SP8: variants seen among roughly 807,000 people sequenced by gnomAD.
SP8 encodes the protein Sp8 transcription factor.
In SP8, 7 loss-of-function variants were observed where a neutral mutation model predicts 15.3. That is an observed-to-expected ratio of 0.46 (90% CI 0.26 to 0.86). The LOEUF (loss-of-function observed/expected upper bound fraction) is 0.86. SP8 is among the 40% of genes least tolerant of loss of function. The probability of loss-of-function intolerance (pLI) is 0.16; values close to 1 mark genes in which losing one functional copy is unlikely to be tolerated. For synonymous variants in SP8, 415 were observed against 356.3 expected, an observed-to-expected ratio of 1.16 and a Z score of -1.86; for missense variants, 731 against 736.4, an observed-to-expected ratio of 0.99 and a Z score of 0.09.
rs1197257333 is a variant in SP8, at chr7:20,784,812, G to C, written c.1005C>G (p.Gly335=). The change falls in exon 2 of 2, where the codon GGC becomes GGG. Residue 335 remains glycine (G), a synonymous_variant. Coordinates refer to ENST00000418710, the MANE Select transcript of SP8 (RefSeq NM_182700.6). Reference sequence around the variant, plus strand: ...AGCGGCGAGCTGAGGAGCGCGGGGAGCCCCCCAGCGGCGCCGAAGGCCCAG... The same window carrying C: ...AGCGGCGAGCTGAGGAGCGCGGGGACCCCCCCAGCGGCGCCGAAGGCCCAG... ...LSAGPSAPLG[G]SPRSSARRYS... is the part of the protein sequence containing the mutation. 3.3e-6 allele frequency: 5 copies of C among 1,527,994 alleles called. No individual in the cohort carries two copies. Among genetic ancestry groups the C allele is most frequent in the Non-Finnish European group, 4.4e-6 (5 of 1,144,138 alleles). 94.7% of individuals were successfully genotyped at this position (1,527,994 alleles called of 1,614,324 possible). A position where few individuals can be genotyped will look rare whatever the true frequency, so the allele number is the denominator to read the frequency against.
chr7:20,785,639 C>T lies in SP8; in HGVS notation c.178G>A (p.Ala60Thr), dbSNP rs762997951. Reference sequence around the variant, plus strand: ...CTGGAACCCACTACGTTGCAGCTGGCGGAAGAAGAGGACGAGGAGCGTTTC... The same window carrying T: ...CTGGAACCCACTACGTTGCAGCTGGTGGAAGAAGAGGACGAGGAGCGTTTC... ...PWKRSSSSSSASCNVVGSSLS... is the reference protein window; with the variant it reads ...PWKRSSSSSSTSCNVVGSSLS... The change falls in exon 2 of 2, where the codon GCC becomes ACC. Residue 60 changes from alanine to threonine, a missense_variant. By Grantham distance (58) the Ala-to-Thr change is moderately conservative (BLOSUM62 0). Transcript: ENST00000418710. The surrounding 1 kb of genome is among the most constrained non-coding windows in gnomAD (Gnocchi z 7.2). 2.5e-6 allele frequency: 4 copies of T among 1,611,514 alleles called. No individual in the cohort carries two copies. The South Asian group carries it at 4.4e-5, about 18-fold the overall frequency.
rs561326768 is a variant in SP8 at position 20,786,225 on chromosome 7, A to T, written c.22-430T>A. On this transcript the variant is annotated intron_variant, in intron 1 of 1. Coordinates refer to ENST00000418710, the MANE Select transcript of SP8 (RefSeq NM_182700.6). This position sits in a 1 kb window ranked among gnomAD's most constrained non-coding sequence, Gnocchi z 4.4. ...AAGAGCGCTTCCCTGTAATCCGGAG[A>T]GCTTTGAAAAACCTGTTCGGGTCCC... Among the ~76,000 whole-genome samples the T allele has an allele frequency of 9.2e-5, 14 of 152,216 alleles. No homozygotes were observed. In the East Asian group the frequency reaches 2.5e-3, roughly 27 times the overall value.
In SP8 at chr7:20,785,311, T is replaced by C; in HGVS notation, c.506A>G (p.His169Arg). ...CGGCTGGTGGGAGCCGTCCTGCGAG[T>C]GCGCGGAGGAGCCGCCGCCGCCGCC... The part of the protein sequence containing the change: ...GGGGGGGSSA[H>R]SQDGSHQPVF... The change falls in exon 2 of 2, where the codon CAC becomes CGC. Residue 169 changes from histidine to arginine, a missense_variant. By Grantham distance (29) the His-to-Arg change is conservative. Coordinates refer to ENST00000418710, the MANE Select transcript of SP8 (RefSeq NM_182700.6). The surrounding 1 kb of genome is among the most constrained non-coding windows in gnomAD (Gnocchi z 7.2). 6.6e-7 allele frequency: 1 copy of C among 1,520,466 alleles called. No individual in the cohort carries two copies. Among genetic ancestry groups the C allele is most frequent in the Non-Finnish European group, 8.8e-7 (1 of 1,138,928 alleles). 94.2% of individuals were successfully genotyped at this position (1,520,466 alleles called of 1,614,324 possible). A position where few individuals can be genotyped will look rare whatever the true frequency, so the allele number is the denominator to read the frequency against.
chr7:20,784,518 G>A lies in SP8; in HGVS notation c.1299C>T (p.Arg433=). 1.9e-6 allele frequency: 3 copies of A among 1,568,808 alleles called. No individual in the cohort carries two copies. Among genetic ancestry groups the A allele is most frequent in the Non-Finnish European group, 2.6e-6 (3 of 1,158,202 alleles). ...RHLRTHTGEK[R]FACPVCNKRF... ...GCTTGTTGCAAACTGGACAGGCGAAGCGCTTCTCGCCGGTGTGGGTCCGCA... is the reference window on the plus strand; with the variant it reads ...GCTTGTTGCAAACTGGACAGGCGAAACGCTTCTCGCCGGTGTGGGTCCGCA... The change falls in exon 2 of 2, where the codon CGC becomes CGT. Residue 433 remains arginine (R), a synonymous_variant. Transcript: ENST00000418710.
Position 20,785,795 on chromosome 7 carries a change from C to T in SP8, c.22G>A (p.Glu8Lys). 1 of 1,611,288 alleles carries T rather than the reference C, an allele frequency of 6.2e-7. No individual in the cohort carries two copies. The highest frequency in any genetic ancestry group is 8.5e-7 in the Non-Finnish European group (1 of 1,178,454). Residue 8 changes from glutamate (E) to lysine (K), a missense_variant and splice_region_variant, in exon 2 of 2, where the codon GAA (glutamate) becomes AAA (lysine). By Grantham distance (56) the Glu-to-Lys change is moderately conservative. This residue lies in a region of SP8 where 586 missense variants were observed against 524.9 expected (regional missense o/e 1.12). Coordinates refer to ENST00000418710, the MANE Select transcript of SP8 (RefSeq NM_182700.6). The surrounding 1 kb of genome is among the most constrained non-coding windows in gnomAD (Gnocchi z 7.2). MATSLLG[E>K]EPRLGSTPLA... ...GGAGTCGATCCCAACCTCGGTTCTTCCTGCGAGGAGGAGAGGAGAAGGAGT... is the reference window on the plus strand; with the variant it reads ...GGAGTCGATCCCAACCTCGGTTCTTTCTGCGAGGAGGAGAGGAGAAGGAGT...
At position 20,785,365 on chromosome 7, in the gene SP8, A is replaced by G. The variant is rs2128063679; in HGVS notation, c.452T>C (p.Val151Ala). ...NDYSVFQAPGVSGGSGGGGGG... is the reference protein window; with the variant it reads ...NDYSVFQAPGASGGSGGGGGG... The stretch of plus-strand genomic sequence containing the variant: ...GCCGCCGCCGCCGCTGCCCCCGGAA[A>G]CTCCGGGGGCCTGGAAAACAGAGTA... Residue 151 changes from valine (V) to alanine (A), a missense_variant, in exon 2 of 2, where the codon GTT (valine) becomes GCT (alanine). This residue lies in a region of SP8 where 586 missense variants were observed against 524.9 expected (regional missense o/e 1.12). Transcript: ENST00000418710. The surrounding 1 kb of genome is among the most constrained non-coding windows in gnomAD (Gnocchi z 7.2). 7.2e-7 allele frequency: 1 copy of G among 1,389,038 alleles called. No homozygotes were observed. Among genetic ancestry groups the G allele is most frequent in the South Asian group, 1.4e-5 (1 of 73,872 alleles). 86.0% of individuals were successfully genotyped at this position (1,389,038 alleles called of 1,614,324 possible). A position where few individuals can be genotyped will look rare whatever the true frequency, so the allele number is the denominator to read the frequency against.
In SP8 at chr7:20,782,840, T is replaced by C. The variant is rs964258880; in HGVS notation, c.*1450A>G. On this transcript the variant is annotated 3_prime_UTR_variant, in exon 2 of 2. Coordinates refer to ENST00000418710, the MANE Select transcript of SP8 (RefSeq NM_182700.6). ...AACAATAACTCTTAATATTTTCTTG[T>C]GACAAAAAAAAAAAATCAAGTTTAC... 3 of 136,314 alleles carry C rather than the reference T, an allele frequency of 2.2e-5. No individual in the cohort carries two copies. The highest frequency in any genetic ancestry group is 3.3e-5 in the Non-Finnish European group (2 of 61,052). 8.4% of individuals were successfully genotyped at this position (136,314 alleles called of 1,614,324 possible).
In SP8 at chr7:20,784,855, C is replaced by T; in HGVS notation, c.962G>A (p.Gly321Glu). The change falls in exon 2 of 2, where the codon GGG becomes GAG. Residue 321 changes from glycine to glutamate, a missense_variant. Gly to Glu is a moderately conservative substitution (Grantham distance 98). Transcript: ENST00000418710. ...DSAPSPLAGA[G>E]GSMLSAGPSA... ...AGGCCCAGCGCTCAACATGGAGCCC[C>T]CCGCGCCGGCCAGCGGCGACGGGGC... 6.6e-7 allele frequency: 1 copy of T among 1,525,758 alleles called. No individual in the cohort carries two copies. Among genetic ancestry groups the T allele is most frequent in the Non-Finnish European group, 8.8e-7 (1 of 1,142,840 alleles). 94.5% of individuals were successfully genotyped at this position (1,525,758 alleles called of 1,614,324 possible).
chr7:20,786,130 A>C lies in SP8; in HGVS notation c.22-335T>G. On this transcript the variant is annotated intron_variant, in intron 1 of 1. Transcript: ENST00000418710. The surrounding 1 kb of genome is among the most constrained non-coding windows in gnomAD (Gnocchi z 4.4). ...AGACACTTCGTAACAAACAAGCAAA[A>C]AGTCCAGATTGGAGAGGAAGGAAGT... 6 of 735,960 alleles carry C rather than the reference A, an allele frequency of 8.2e-6. No homozygotes were observed. Among genetic ancestry groups the C allele is most frequent in the Non-Finnish European group, 8.6e-6 (5 of 578,992 alleles). 45.6% of individuals were successfully genotyped at this position (735,960 alleles called of 1,614,324 possible).
At position 20,786,763 on chromosome 7, in the gene SP8, A is replaced by G. The variant is rs762246932; in HGVS notation, c.21+15T>C. On this transcript the variant is annotated intron_variant, in intron 1 of 1. Transcript: ENST00000418710. The surrounding 1 kb of genome is among the most constrained non-coding windows in gnomAD (Gnocchi z 4.4). The stretch of plus-strand genomic sequence containing the variant: ...GAAACTAATTAAACCAGCAAGAGAA[A>G]ATCCTGAGACTCACCCCTAGAAGTG... 6.2e-7 allele frequency: 1 copy of G among 1,613,496 alleles called. No individual in the cohort carries two copies. Among genetic ancestry groups the G allele is most frequent in the East Asian group, 2.2e-5 (1 of 44,878 alleles).
rs750513769 is a variant in SP8, at chr7:20,785,325, G to GCCGCCGCCGCCC, written c.480_491dup (p.Gly162_Gly165dup). 55 of 1,436,204 alleles carry GCCGCCGCCGCCC rather than the reference G, an allele frequency of 3.8e-5. No individual in the cohort carries two copies. The East Asian group carries it at 6.2e-4, about 16-fold the overall frequency. 89.0% of individuals were successfully genotyped at this position (1,436,204 alleles called of 1,614,324 possible). On this transcript the variant is annotated inframe_insertion, in exon 2 of 2. Transcript: ENST00000418710. This position sits in a 1 kb window ranked among gnomAD's most constrained non-coding sequence, Gnocchi z 7.2. ...CGTCCTGCGAGTGCGCGGAGGAGCCGCCGCCGCCGCCCCCGCCGCCGCCGC... is the reference window on the plus strand; with the variant it reads ...CGTCCTGCGAGTGCGCGGAGGAGCCGCCGCCGCCGCCCCCGCCGCCGCCCCCGCCGCCGCCGC...
Position 20,785,009 on chromosome 7 carries a change from T to G in SP8, c.808A>C (p.Asn270His), listed in dbSNP as rs1209099800. 1 of 1,575,170 alleles carries G rather than the reference T, an allele frequency of 6.3e-7. No individual in the cohort carries two copies. The highest frequency in any genetic ancestry group is 1.7e-5 in the Admixed American group (1 of 58,200). The change falls in exon 2 of 2, where the codon AAC becomes CAC. Residue 270 changes from asparagine to histidine, a missense_variant. Coordinates refer to ENST00000418710, the MANE Select transcript of SP8 (RefSeq NM_182700.6). This position sits in a 1 kb window ranked among gnomAD's most constrained non-coding sequence, Gnocchi z 7.2. The stretch of plus-strand genomic sequence containing the variant: ...TGACTCAGGCCCGAGTAATCCGAGT[T>G]GTAGCCTCCGAGCGGCGAGTGCAGC... The part of the protein sequence containing the change: ...TSLHSPLGGY[N>H]SDYSGLSHSA...
Position 20,785,913 on chromosome 7 carries a change from C to T in SP8, c.22-118G>A. 4.1e-6 allele frequency: 6 copies of T among 1,460,460 alleles called. No individual in the cohort carries two copies. Among genetic ancestry groups the T allele is most frequent in the Non-Finnish European group, 5.5e-6 (6 of 1,098,348 alleles). The allele number at this position is 1,460,460 out of a possible 1,614,324, so 90.5% of individuals were successfully genotyped here. A position where few individuals can be genotyped will look rare whatever the true frequency, so the allele number is the denominator to read the frequency against. On this transcript the variant is annotated intron_variant, in intron 1 of 1. Coordinates refer to ENST00000418710, the MANE Select transcript of SP8 (RefSeq NM_182700.6). This position sits in a 1 kb window ranked among gnomAD's most constrained non-coding sequence, Gnocchi z 7.2. Reference sequence around the variant, plus strand: ...AGCCTCCAAAGCGCCCCACTGCACCCCATCTCTCGCTGCGGCGCGCCGCCA... The same window carrying T: ...AGCCTCCAAAGCGCCCCACTGCACCTCATCTCTCGCTGCGGCGCGCCGCCA...
Position 20,784,293 on chromosome 7 carries a change from C to G in SP8, c.1524G>C (p.Glu508Asp). Residue 508 changes from glutamate to aspartate, a missense_variant, in exon 2 of 2, where the codon GAG (glutamate) becomes GAC (aspartate). Transcript: ENST00000418710. ...PPEPGHRNGL[E>D] Reference sequence around the variant, plus strand: ...AGGGGCGGGCGCAGGGTGGGCGTCACTCTAGGCCGTTGCGGTGCCCGGGCT... The same window carrying G: ...AGGGGCGGGCGCAGGGTGGGCGTCAGTCTAGGCCGTTGCGGTGCCCGGGCT... The G allele has an allele frequency of 6.7e-7, 1 of 1,489,532 alleles. No homozygotes were observed. Among genetic ancestry groups the G allele is most frequent in the Non-Finnish European group, 8.9e-7 (1 of 1,127,638 alleles). The allele number at this position is 1,489,532 out of a possible 1,614,324, so 92.3% of individuals were successfully genotyped here. A position where few individuals can be genotyped will look rare whatever the true frequency, so the allele number is the denominator to read the frequency against.
In SP8 at chr7:20,783,940, T is replaced by TA; in HGVS notation, c.*349dup. The TA allele has an allele frequency of 3.6e-6, 1 of 281,586 alleles. No homozygotes were observed. Among genetic ancestry groups the TA allele is most frequent in the Non-Finnish European group, 6.5e-6 (1 of 154,640 alleles). 17.4% of individuals were successfully genotyped at this position (281,586 alleles called of 1,614,324 possible). A position where few individuals can be genotyped will look rare whatever the true frequency, so the allele number is the denominator to read the frequency against. ...CTCTACCTCCAGTGGCCGTTCCCTCTAAAAGTTACGCCCTTCACAACCTGG... is the reference window on the plus strand; with the variant it reads ...CTCTACCTCCAGTGGCCGTTCCCTCTAAAAAGTTACGCCCTTCACAACCTGG... On this transcript the variant is annotated 3_prime_UTR_variant, in exon 2 of 2. Transcript: ENST00000418710.
Position 20,785,332 on chromosome 7 carries a change from C to CTGAACGAGTCGGACA in SP8, c.484_485insTGTCCGACTCGTTCA (p.Gly162delinsValSerAspSerPheSer). The CTGAACGAGTCGGACA allele has an allele frequency of 6.8e-7, 1 of 1,473,028 alleles. No individual in the cohort carries two copies. 91.2% of individuals were successfully genotyped at this position (1,473,028 alleles called of 1,614,324 possible). On this transcript the variant is annotated protein_altering_variant, in exon 2 of 2. Coordinates refer to ENST00000418710, the MANE Select transcript of SP8 (RefSeq NM_182700.6). The surrounding 1 kb of genome is among the most constrained non-coding windows in gnomAD (Gnocchi z 7.2). Reference sequence around the variant, plus strand: ...CGAGTGCGCGGAGGAGCCGCCGCCGCCGCCCCCGCCGCCGCCGCCGCTGCC... The same window carrying CTGAACGAGTCGGACA: ...CGAGTGCGCGGAGGAGCCGCCGCCGCTGAACGAGTCGGACACGCCCCCGCCGCCGCCGCCGCTGCC...
Position 20,784,440 on chromosome 7 carries a change from G to A in SP8, c.1377C>T (p.Gly459=), listed in dbSNP as rs1783599051. 7.8e-6 allele frequency: 12 copies of A among 1,537,246 alleles called. No individual in the cohort carries two copies. The highest frequency in any genetic ancestry group is 1.4e-5 in the African/African-American group (1 of 71,330). The part of the protein sequence containing the change: ...LSKHVKTHSG[G]GGGGGSAGSG... ...AGCCCGCCGAGCCGCCGCCGCCGCC[G>A]CCGCCACTGTGCGTCTTCACGTGCT... The change falls in exon 2 of 2, where the codon GGC becomes GGT. Residue 459 remains glycine, a synonymous_variant. Coordinates refer to ENST00000418710, the MANE Select transcript of SP8 (RefSeq NM_182700.6).
Position 20,786,668 on chromosome 7 carries a change from C to T in SP8, c.21+110G>A. ...TATTTAAAGAAAAAAAAAAAAAGCTCTCAATAGAGAGACTGATAGCCCGTG... is the reference window on the plus strand; with the variant it reads ...TATTTAAAGAAAAAAAAAAAAAGCTTTCAATAGAGAGACTGATAGCCCGTG... On this transcript the variant is annotated intron_variant, in intron 1 of 1. Transcript: ENST00000418710. This position sits in a 1 kb window ranked among gnomAD's most constrained non-coding sequence, Gnocchi z 4.4. 1 of 850,698 alleles carries T rather than the reference C, an allele frequency of 1.2e-6. No individual in the cohort carries two copies. Among genetic ancestry groups the T allele is most frequent in the Non-Finnish European group, 2.0e-6 (1 of 505,010 alleles). 52.7% of individuals were successfully genotyped at this position (850,698 alleles called of 1,614,324 possible). A position where few individuals can be genotyped will look rare whatever the true frequency, so the allele number is the denominator to read the frequency against.
Position 20,783,905 on chromosome 7 carries a change from A to C in SP8, c.*385T>G. On this transcript the variant is annotated 3_prime_UTR_variant, in exon 2 of 2. Transcript: ENST00000418710. Reference sequence around the variant, plus strand: ...AGGCCCGCTGTCTACCAGGCACTGGATTAGTCCAGCTCTACCTCCAGTGGC... The same window carrying C: ...AGGCCCGCTGTCTACCAGGCACTGGCTTAGTCCAGCTCTACCTCCAGTGGC... 2 of 192,078 alleles carry C rather than the reference A, an allele frequency of 1.0e-5. No homozygotes were observed. The highest frequency in any genetic ancestry group is 2.4e-5 in the African/African-American group (1 of 41,154). The allele number at this position is 192,078 out of a possible 1,614,324, so 11.9% of individuals were successfully genotyped here.
Sources: allele counts gnomAD v4.1 joint callset (sites outside exome capture counted in the v4.1 genomes callset), GRCh38; gene constraint gnomAD v4.1.1; regional missense constraint gnomAD v4.1.1; non-coding constraint Gnocchi (gnomAD v3.1); transcripts MANE v1.5; gene names NCBI Gene and HGNC (gene_info 2026-07-23, HGNC 2026-07-21).